Variants in A1CF observed in about 807,000 individuals in gnomAD.
A1CF encodes APOBEC-1 stimulating protein.
A neutral mutation model predicts 68.9 loss-of-function variants in A1CF; 48 were observed. The observed-to-expected ratio is 0.70, with a 90% CI of 0.55 to 0.89. The LOEUF (loss-of-function observed/expected upper bound fraction) is 0.89, where lower values mean the gene tolerates loss of function less well. A1CF is among the 40% of genes least tolerant of loss of function. The probability of loss-of-function intolerance (pLI) is 0.00; values close to 1 mark genes in which losing one functional copy is unlikely to be tolerated. For synonymous variants in A1CF, 272 were observed against 260.4 expected (o/e 1.04, Z -0.43); for missense variants, 653 against 718.9 (o/e 0.91, Z 1.05).
rs1837709213 is a variant in A1CF, at chr10:50,803,807, C to T, written c.*2922G>A. ...GTTGGGTGACAAATTTTAATTTTTT[C>T]TGTAAAGAATTAGGAAGCATTCAAA... On this transcript the variant is annotated 3_prime_UTR_variant, in exon 13 of 13. Transcript: ENST00000373997. 1 of 152,044 alleles carries T rather than the reference C, an allele frequency of 6.6e-6. No homozygotes were observed. Among genetic ancestry groups the T allele is most frequent in the Non-Finnish European group, 1.5e-5 (1 of 67,938 alleles). 9.4% of individuals were successfully genotyped at this position (152,044 alleles called of 1,614,324 possible). A position where few individuals can be genotyped will look rare whatever the true frequency, so the allele number is the denominator to read the frequency against.
intron 3 of A1CF, among the ~76,000 whole-genome samples, chr10:50,854,070 A>AT (rs1376819948): frequency 2.6e-5 from 4 of 151,790 alleles, no homozygotes; most frequent in Admixed American, 6.6e-5. Flanking sequence ...TTTTTCCATG[A>AT]TTTTTTTCTT....
At chr10:50,874,489 C>T (rs1315265909) in intron 1 of A1CF, among the ~76,000 whole-genome samples, 1 of 152,152 alleles carries the variant, frequency 6.6e-6, no homozygotes, top group Non-Finnish European at 1.5e-5. Context: ...ATAAATGACA[C>T]AAGGAAATAC....
chr10:50,813,598 A>C (rs1838224430), intron 10 of A1CF, among the ~76,000 whole-genome samples: 2 of 152,302 alleles, frequency 1.3e-5, no homozygotes, highest in South Asian at 2.1e-4. Context: ...AATAGCTCTC[A>C]GATTCTTTGC....
At chr10:50,814,402 A>G (rs1455633593) in intron 9 of A1CF, among the ~76,000 whole-genome samples, 6 of 152,222 alleles carry the variant, frequency 3.9e-5, no homozygotes. Context: ...CTGGGAATGT[A>G]TTTATTAGAA....
rs1233855872 is a variant in A1CF, at chr10:50,806,077, T to C, written c.*652A>G. 5 of 152,152 alleles carry C rather than the reference T, an allele frequency of 3.3e-5. No homozygotes were observed. The highest frequency in any genetic ancestry group is 1.3e-4 in the Admixed American group (2 of 15,266). 9.4% of individuals were successfully genotyped at this position (152,152 alleles called of 1,614,324 possible). A position where few individuals can be genotyped will look rare whatever the true frequency, so the allele number is the denominator to read the frequency against. ...TTGTTTTAACCACATCTACAACATA[T>C]CATATCTATTTCTAGGAAGTCCCCA... is the stretch of plus-strand genomic sequence containing the variant. On this transcript the variant is annotated 3_prime_UTR_variant, in exon 13 of 13. Transcript: ENST00000373997.
At chr10:50,871,727 GA>G (rs34281230) in intron 1 of A1CF, among the ~76,000 whole-genome samples, 1 of 151,418 alleles carries the variant, frequency 6.6e-6, no homozygotes, top group South Asian at 2.1e-4. Flanking sequence ...AACAATTTGA[GA>G]AAAAAAATAA....
chr10:50,864,566 G>T (rs1348288412), intron 1 of A1CF, among the ~76,000 whole-genome samples: 1 of 152,062 alleles, frequency 6.6e-6, no homozygotes, highest in Non-Finnish European at 1.5e-5. Flanking sequence ...TGGAACACTT[G>T]GTTTAAATGT....
chr10:50,811,186 T>TA lies in A1CF; in HGVS notation c.1324-11dup. 6.3e-7 allele frequency: 1 copy of TA among 1,592,974 alleles called. No homozygotes were observed. The highest frequency in any genetic ancestry group is 8.5e-7 in the Non-Finnish European group (1 of 1,169,668). On this transcript the variant is annotated splice_polypyrimidine_tract_variant and intron_variant, in intron 10 of 12. Transcript: ENST00000373997. ...AAATCTCTTCTAATATCTACAAGAA[T>TA]AAAAAAAGTTATTTCCCCCTCAAAT...
Position 50,806,544 on chromosome 10 carries a change from T to C in A1CF, c.*185A>G. ...AAACAAAAGGCTCTTTAACATTTGATTTCATTTCAGAATAACGTTCTTACT... is the reference window on the plus strand; with the variant it reads ...AAACAAAAGGCTCTTTAACATTTGACTTCATTTCAGAATAACGTTCTTACT... On this transcript the variant is annotated 3_prime_UTR_variant, in exon 13 of 13. Coordinates refer to ENST00000373997, the MANE Select transcript of A1CF (RefSeq NM_014576.4). The C allele has an allele frequency of 2.2e-6, 1 of 464,464 alleles. No homozygotes were observed. Among genetic ancestry groups the C allele is most frequent in the Non-Finnish European group, 3.4e-6 (1 of 294,932 alleles). The allele number at this position is 464,464 out of a possible 1,614,324, so 28.8% of individuals were successfully genotyped here. A position where few individuals can be genotyped will look rare whatever the true frequency, so the allele number is the denominator to read the frequency against.
At chr10:50,810,310 G>T (rs905162513) in intron 11 of A1CF, among the ~76,000 whole-genome samples, 3 of 152,152 alleles carry the variant, frequency 2.0e-5, no homozygotes, top group African/African-American at 4.8e-5. Context: ...GAAACAAATT[G>T]TTCCTAAAAT....
At chr10:50,882,084 C>G (rs1042572937) in intron 1 of A1CF, among the ~76,000 whole-genome samples, 7 of 152,020 alleles carry the variant, frequency 4.6e-5, no homozygotes, top group African/African-American at 1.7e-4. Context: ...TTGCATCAAT[C>G]AAAAATATTC....
chr10:50,879,040 G>A (rs1052609678), intron 1 of A1CF, among the ~76,000 whole-genome samples: 1 of 152,094 alleles, frequency 6.6e-6, no homozygotes, highest in Non-Finnish European at 1.5e-5. Context: ...GCTTTGCCAG[G>A]CTAGTCTGTT....
At chr10:50,817,407 T>C (rs1303602611) in intron 8 of A1CF, among the ~76,000 whole-genome samples, 1 of 152,218 alleles carries the variant, frequency 6.6e-6, no homozygotes, top group Admixed American at 6.5e-5. Flanking sequence ...TGGACAAAGC[T>C]TGTGCTTCAT....
intron 5 of A1CF, among the ~76,000 whole-genome samples, chr10:50,838,744 T>C (rs774111073): frequency 6.6e-6 from 1 of 152,218 alleles, no homozygotes; most frequent in African/African-American, 2.4e-5. Context: ...ACAAAAGTTC[T>C]TTCCCTGGCA....
chr10:50,853,380 C>T (rs1433578248), intron 3 of A1CF, among the ~76,000 whole-genome samples: 1 of 152,160 alleles, frequency 6.6e-6, no homozygotes, highest in Non-Finnish European at 1.5e-5. Context: ...GTCTTAGCTT[C>T]AATGTAATTT....
At chr10:50,861,440 A>G (rs561673880) in intron 2 of A1CF, among the ~76,000 whole-genome samples, 1 of 149,286 alleles carries the variant, frequency 6.7e-6, no homozygotes, top group South Asian at 2.1e-4. Flanking sequence ...AGTAATAGGT[A>G]TTCTATTACT....
intron 3 of A1CF, 116 bp from the exon 4 acceptor site, chr10:50,844,238 G>A (rs1839901056): frequency 7.1e-7 from 1 of 1,411,866 alleles, no homozygotes. Context: ...TCATTGACAA[G>A]TAATAATAGT....
chr10:50,881,875 A>G (rs1841787220), intron 1 of A1CF, among the ~76,000 whole-genome samples: 3 of 152,232 alleles, frequency 2.0e-5, no homozygotes, highest in Admixed American at 6.5e-5. Flanking sequence ...ACCAATTCCT[A>G]TTGAATAAAC....
chr10:50,868,577 A>G (rs1841104265), intron 1 of A1CF, among the ~76,000 whole-genome samples: 1 of 152,196 alleles, frequency 6.6e-6, no homozygotes, highest in African/African-American at 2.4e-5. Flanking sequence ...AACCTCCTCT[A>G]TGTTTTTCAG....
Sources: gnomAD v4.1 joint callset for allele counts (sites outside exome capture counted in the v4.1 genomes callset) on GRCh38, gnomAD v4.1.1 for gene constraint, MANE v1.5 for transcripts, NCBI Gene and HGNC (gene_info 2026-07-23, HGNC 2026-07-21) for gene names.